Variants in RANBP2 observed in about 807,000 individuals in gnomAD.
The protein encoded by RANBP2 is E3 SUMO-protein ligase RanBP2.
Under a neutral mutation model 303.6 loss-of-function variants are expected in RANBP2, and 57 were observed. The observed-to-expected ratio is 0.19, with a 90% CI of 0.15 to 0.23. The LOEUF is 0.23. Among genes scored for constraint, RANBP2 ranks in the 10% least tolerant of loss-of-function variants. RANBP2 has a pLI of 1.00. For synonymous variants in RANBP2, 1,167 were observed against 1,301.5 expected, an observed-to-expected ratio of 0.90 and a Z score of 2.23; for missense variants, 3,138 against 3,780.8, an observed-to-expected ratio of 0.83 and a Z score of 4.46.
At chr2:108,935,049 G>A in the RANBP2 span, among the ~76,000 whole-genome samples, 5 of 152,308 alleles carry the variant, frequency 3.3e-5, no homozygotes, top group African/African-American at 1.2e-4. Context: ...GTTACCTAGT[G>A]CCTGTAGGCA....
At chr2:109,249,759 C>A in the RANBP2 span, among the ~76,000 whole-genome samples, 1 of 151,814 alleles carries the variant, frequency 6.6e-6, no homozygotes, top group Non-Finnish European at 1.5e-5. Context: ...CAGGTTCACG[C>A]CATTCTCCTG....
chr2:109,157,588 A>G, the RANBP2 span, among the ~76,000 whole-genome samples: 1 of 152,188 alleles, frequency 6.6e-6, no homozygotes, highest in South Asian at 2.1e-4. Flanking sequence ...TTGTTAAAAG[A>G]AGGAGATTGG....
the RANBP2 span, among the ~76,000 whole-genome samples, chr2:109,601,564 C>T: frequency 6.6e-6 from 1 of 152,162 alleles, no homozygotes; most frequent in Admixed American, 6.5e-5. Context: ...TCCCACTTGC[C>T]TATCAGGGTA....
chr2:109,139,776 T>C, the RANBP2 span, among the ~76,000 whole-genome samples: 11 of 152,192 alleles, frequency 7.2e-5, no homozygotes, highest in African/African-American at 2.7e-4. Context: ...CATTGAACAA[T>C]GGAGTTTAAG....
At chr2:109,399,281 C>A in the RANBP2 span, among the ~76,000 whole-genome samples, 1 of 152,190 alleles carries the variant, frequency 6.6e-6, no homozygotes, top group Non-Finnish European at 1.5e-5. Flanking sequence ...CTGGAAGAGT[C>A]TTGGCTTAGT....
chr2:109,200,752 G>A, the RANBP2 span, among the ~76,000 whole-genome samples: 2 of 152,136 alleles, frequency 1.3e-5, no homozygotes, highest in Non-Finnish European at 2.9e-5. Flanking sequence ...CACCCCTCAT[G>A]CCCACTCCAT....
chr2:108,787,574 A>G (rs1333249097), downstream of RANBP2, among the ~76,000 whole-genome samples: 2 of 152,230 alleles, frequency 1.3e-5, no homozygotes, highest in East Asian at 1.9e-4. Context: ...TTCAGCAATT[A>G]TCTCGATAAA....
At chr2:109,211,156 AAGG>A in the RANBP2 span, among the ~76,000 whole-genome samples, 2 of 152,190 alleles carry the variant, frequency 1.3e-5, no homozygotes, top group African/African-American at 2.4e-5. Context: ...AGCACAATTA[AAGG>A]AGAAGTGAGC....
At chr2:109,486,055 A>G in the RANBP2 span, among the ~76,000 whole-genome samples, 1 of 152,134 alleles carries the variant, frequency 6.6e-6, no homozygotes, top group African/African-American at 2.4e-5. Flanking sequence ...CTTTCAACCC[A>G]TGTGTGTCCC....
the RANBP2 span, among the ~76,000 whole-genome samples, chr2:108,999,752 A>C: frequency 6.6e-6 from 1 of 152,204 alleles, no homozygotes; most frequent in Non-Finnish European, 1.5e-5. Flanking sequence ...TAGTTTTTTA[A>C]AAAATTACGA....
chr2:109,545,577 C>T, the RANBP2 span: 1 of 1,534,530 alleles, frequency 6.5e-7, no homozygotes, highest in Non-Finnish European at 8.7e-7. Flanking sequence ...AAATCAGTAT[C>T]AGTAGAATTT....
At chr2:109,518,502 C>T in the RANBP2 span, among the ~76,000 whole-genome samples, 6 of 152,178 alleles carry the variant, frequency 3.9e-5, no homozygotes, top group Non-Finnish European at 7.3e-5. Context: ...CCACAAATAC[C>T]GCAGCTTCAA....
the RANBP2 span, among the ~76,000 whole-genome samples, chr2:109,711,970 A>T: frequency 6.6e-6 from 1 of 152,234 alleles, no homozygotes; most frequent in East Asian, 1.9e-4. Context: ...AAGAGTTTAC[A>T]ATGCAGTGCA....
chr2:109,170,420 A>G, the RANBP2 span, among the ~76,000 whole-genome samples: 6 of 151,660 alleles, frequency 4.0e-5, no homozygotes, highest in African/African-American at 1.5e-4. Context: ...ATCTCGGCTC[A>G]CTGCAACCTC....
intron 1 of RANBP2, among the ~76,000 whole-genome samples, chr2:108,727,524 T>G (rs1310287903): frequency 1.3e-5 from 2 of 151,630 alleles, no homozygotes; most frequent in African/African-American, 4.8e-5. Context: ...CACTGGGGTC[T>G]TGGAATTTCA....
At chr2:109,600,248 G>C in the RANBP2 span, among the ~76,000 whole-genome samples, 2 of 152,006 alleles carry the variant, frequency 1.3e-5, no homozygotes, top group Non-Finnish European at 2.9e-5. Flanking sequence ...GGGCCTGAAG[G>C]CTTTCTCCCC....
At chr2:108,997,365 C>T in the RANBP2 span, among the ~76,000 whole-genome samples, 1 of 131,880 alleles carries the variant, frequency 7.6e-6, no homozygotes, top group Non-Finnish European at 1.5e-5. Context: ...GGTGTGAACC[C>T]AGGAGGCAGA....
intron 17 of RANBP2, 121 bp downstream of exon 17, chr2:108,755,380 G>C: frequency 6.8e-7 from 1 of 1,462,996 alleles, no homozygotes. Flanking sequence ...GTATGGCAAG[G>C]GGACATTTTG....
the RANBP2 span, chr2:109,129,628 C>CGACGGCGGCGTCG: frequency 6.7e-7 from 1 of 1,490,638 alleles, no homozygotes; most frequent in Non-Finnish European, 8.9e-7. Context: ...GCCAGGCGAG[C>CGACGGCGGCGTCG]GACGGCGGCG....
Sources: allele counts gnomAD v4.1 joint callset (sites outside exome capture counted in the v4.1 genomes callset), GRCh38; gene constraint gnomAD v4.1.1; transcripts MANE v1.5; gene names NCBI Gene and HGNC (gene_info 2026-07-23, HGNC 2026-07-21).